The following BIN2 variants were observed in gnomAD, a reference collection of about 807,000 sequenced individuals.
The protein encoded by BIN2 is bridging integrator 2, also known as breast cancer associated protein BRAP1.
Under a neutral mutation model 67.9 loss-of-function variants are expected in BIN2, and 43 were observed. The observed-to-expected ratio is 0.63, with a 90% CI of 0.50 to 0.82. The LOEUF (loss-of-function observed/expected upper bound fraction) is 0.82, where lower values mean the gene tolerates loss of function less well. BIN2 is among the 40% of genes least tolerant of loss of function. The pLI is 0.00. For missense variants in BIN2, 581 were observed against 671.6 expected (o/e 0.87, Z 1.49); for synonymous variants, 244 against 246.8 (o/e 0.99, Z 0.11).
chr12:51,297,296 C>T (rs774380996), intron 7 of BIN2, 132 bp from the exon 8 acceptor site: 36 of 796,206 alleles, frequency 4.5e-5, no homozygotes, highest in East Asian at 1.4e-4. Flanking sequence ...CCGCTGGGCA[C>T]AGTGGCTCAC....
At chr12:51,308,573 G>A (rs1014837863) in intron 2 of BIN2, among the ~76,000 whole-genome samples, 3 of 152,200 alleles carry the variant, frequency 2.0e-5, no homozygotes, top group Admixed American at 1.3e-4. Context: ...AGCAAAACAA[G>A]TGTAAATAGC....
At chr12:51,324,665 A>C, upstream of BIN2, 1 of 838,686 alleles carries the variant, frequency 1.2e-6, no homozygotes, top group South Asian at 2.2e-5. Flanking sequence ...AAAGAGAGAA[A>C]CAGGCCGGGC....
intron 12 of BIN2, among the ~76,000 whole-genome samples, chr12:51,284,283 A>T (rs1409432086): frequency 6.6e-6 from 1 of 152,232 alleles, no homozygotes; most frequent in African/African-American, 2.4e-5. Flanking sequence ...CAGTAAAGTA[A>T]CATGCTGTAT....
At chr12:51,312,488 G>A (rs528691434) in intron 2 of BIN2, among the ~76,000 whole-genome samples, 23 of 152,058 alleles carry the variant, frequency 1.5e-4, no homozygotes, top group Non-Finnish European at 2.8e-4. Flanking sequence ...CTCTATTCCC[G>A]CATAAATATC....
At chr12:51,284,972 T>C (rs1945201358) in intron 11 of BIN2, among the ~76,000 whole-genome samples, 185 bp from the exon 12 acceptor site, 2 of 152,226 alleles carry the variant, frequency 1.3e-5, no homozygotes, top group African/African-American at 4.8e-5. Context: ...CATCCTCTTT[T>C]ACAGATGAAT....
At position 51,281,633 on chromosome 12, in the gene BIN2, T is replaced by C. The variant is rs534453939; in HGVS notation, c.1669-105A>G. On this transcript the variant is annotated intron_variant, in intron 12 of 12. Transcript: ENST00000615107. ...TTCTACTGAATTATACTTCATGTAATGCCACTGGCCTCTCTTGAGGGAGGC... is the reference window on the plus strand; with the variant it reads ...TTCTACTGAATTATACTTCATGTAACGCCACTGGCCTCTCTTGAGGGAGGC... 127 of 1,181,036 alleles carry C rather than the reference T, an allele frequency of 1.1e-4. 1 individual carries two copies. In the South Asian group the frequency reaches 1.5e-3, roughly 14 times the overall value. The allele number at this position is 1,181,036 out of a possible 1,614,324, so 73.2% of individuals were successfully genotyped here.
At chr12:51,307,665 A>T (rs1945906425) in intron 2 of BIN2, among the ~76,000 whole-genome samples, 1 of 151,916 alleles carries the variant, frequency 6.6e-6, no homozygotes, top group African/African-American at 2.4e-5. Flanking sequence ...AGCTGGGATT[A>T]CACCACTGCA....
intron 9 of BIN2, among the ~76,000 whole-genome samples, chr12:51,295,469 A>G (rs1280751011): frequency 6.7e-6 from 1 of 148,438 alleles, no homozygotes; most frequent in African/African-American, 2.5e-5. Context: ...AGGCTGAGGC[A>G]GGAGAATGGC....
chr12:51,284,607 G>A, intron 12 of BIN2, 109 bp downstream of exon 12: 2 of 839,848 alleles, frequency 2.4e-6, no homozygotes, highest in East Asian at 5.0e-5. Flanking sequence ...TGCCCTAAGG[G>A]TATGGTTCAC....
At chr12:51,297,036 C>T in intron 8 of BIN2, 53 bp downstream of exon 8, 2 of 1,488,358 alleles carry the variant, frequency 1.3e-6, no homozygotes, top group Non-Finnish European at 1.9e-6. Context: ...AGGCTACCTT[C>T]ATATTTACTA....
At chr12:51,282,262 TAAAC>T (rs1945134876) in intron 12 of BIN2, among the ~76,000 whole-genome samples, 1 of 48,972 alleles carries the variant, frequency 2.0e-5, no homozygotes, top group South Asian at 1.7e-3. Context: ...GTTAATATAA[TAAAC>T]ATATATATAT....
intron 9 of BIN2, among the ~76,000 whole-genome samples, 183 bp downstream of exon 9, chr12:51,295,613 T>A (rs866520111): frequency 0.032 from 1,368 of 43,306 alleles, 134 homozygotes; most frequent in Middle Eastern, 0.09. Flanking sequence ...TATATATATA[T>A]ATATATATAT....
chr12:51,299,415 C>T (rs1945659129), intron 6 of BIN2, 127 bp from the exon 7 acceptor site: 8 of 1,017,286 alleles, frequency 7.9e-6, no homozygotes, highest in Non-Finnish European at 1.1e-5. Flanking sequence ...CTTCCCCTGA[C>T]CATGCCCTCC....
chr12:51,299,135 C>A, intron 7 of BIN2, 68 bp downstream of exon 7: 1 of 1,098,512 alleles, frequency 9.1e-7, no homozygotes, highest in Non-Finnish European at 1.4e-6. Context: ...CTTTTATCTA[C>A]TTACTGTCAA....
At chr12:51,307,607 G>C (rs569973323) in intron 2 of BIN2, among the ~76,000 whole-genome samples, 1 of 151,906 alleles carries the variant, frequency 6.6e-6, no homozygotes, top group African/African-American at 2.4e-5. Flanking sequence ...TACTTAGGAG[G>C]CTGAGGCAGG....
chr12:51,291,988 G>C lies in BIN2; in HGVS notation c.1118C>G (p.Ala373Gly). 1 of 1,614,208 alleles carries C rather than the reference G, an allele frequency of 6.2e-7. No individual in the cohort carries two copies. Among genetic ancestry groups the C allele is most frequent in the Non-Finnish European group, 8.5e-7 (1 of 1,180,034 alleles). ...TGAAGGCTGCCCTGAAGGGCTCAGG[G>C]CTCCGCCTGGTGATGGAGTTGTGGA... ...PSSTTPSPGG[A>G]LSPSGQPSSS... Residue 373 changes from alanine (A) to glycine (G), a missense_variant, in exon 10 of 13, where the codon GCC becomes GGC. Ala to Gly is a moderately conservative substitution (Grantham distance 60). Coordinates refer to ENST00000615107, the MANE Select transcript of BIN2 (RefSeq NM_016293.4).
intron 7 of BIN2, among the ~76,000 whole-genome samples, chr12:51,298,304 G>T (rs1453367939): frequency 6.6e-6 from 1 of 152,066 alleles, no homozygotes; most frequent in African/African-American, 2.4e-5. Flanking sequence ...TCCGGGAGGT[G>T]GAGGTTGCAG....
chr12:51,313,714 T>A, intron 2 of BIN2, 109 bp downstream of exon 2: 2 of 971,198 alleles, frequency 2.1e-6, no homozygotes, highest in Non-Finnish European at 3.3e-6. Flanking sequence ...AGGGGGAGGG[T>A]GGCTTGGTGG....
At position 51,292,811 on chromosome 12, in the gene BIN2, C is replaced by T. The variant is rs1460974994; in HGVS notation, c.762-467G>A. ...AGGCAATCATCTACCTTCTTGCTTCCGTTCTCAAACTGTAAACAAATGTCC... is the reference window on the plus strand; with the variant it reads ...AGGCAATCATCTACCTTCTTGCTTCTGTTCTCAAACTGTAAACAAATGTCC... On this transcript the variant is annotated intron_variant, in intron 9 of 12. Transcript: ENST00000615107. Among the ~76,000 whole-genome samples the T allele has an allele frequency of 1.1e-4, 16 of 152,230 alleles. No homozygotes were observed. The East Asian group carries it at 1.7e-3, about 17-fold the overall frequency.
Sources: gnomAD v4.1 joint callset for allele counts (sites outside exome capture counted in the v4.1 genomes callset) on GRCh38, gnomAD v4.1.1 for gene constraint, MANE v1.5 for transcripts, NCBI Gene and HGNC (gene_info 2026-07-23, HGNC 2026-07-21) for gene names.